The following RANBP2 variants were observed in gnomAD, a reference collection of about 807,000 sequenced individuals.
RANBP2 encodes the protein E3 SUMO-protein ligase RanBP2.
Under a neutral mutation model 303.6 loss-of-function variants are expected in RANBP2, and 57 were observed. The observed-to-expected ratio is 0.19, with a 90% confidence interval of 0.15 to 0.23. RANBP2 has a LOEUF of 0.23. Ranked by LOEUF, RANBP2 falls within the 10% of genes least tolerant of loss-of-function variation. The pLI is 1.00. For missense variants in RANBP2, 3,138 were observed against 3,780.8 expected, an observed-to-expected ratio of 0.83 and a Z score of 4.46; for synonymous variants, 1,167 against 1,301.5, an observed-to-expected ratio of 0.90 and a Z score of 2.23.
chr2:109,368,333 C>T, the RANBP2 span, among the ~76,000 whole-genome samples: 1 of 152,052 alleles, frequency 6.6e-6, no homozygotes, highest in African/African-American at 2.4e-5. Context: ...AAATACATTC[C>T]CCAGTTCAAG....
chr2:109,632,881 C>G, the RANBP2 span, among the ~76,000 whole-genome samples: 1 of 152,072 alleles, frequency 6.6e-6, no homozygotes, highest in Non-Finnish European at 1.5e-5. Flanking sequence ...GAAACACACA[C>G]TAATCATTTT....
chr2:109,462,765 A>C, the RANBP2 span, among the ~76,000 whole-genome samples: 1 of 152,102 alleles, frequency 6.6e-6, no homozygotes, highest in African/African-American at 2.4e-5. Flanking sequence ...ACTGGAGAAA[A>C]CCCACAGGAT....
Position 108,775,866 on chromosome 2 carries a change from C to G in RANBP2, c.8427C>G (p.Ser2809=). The change falls in exon 24 of 29, where the codon TCC becomes TCG. Residue 2809 remains serine (S), a synonymous_variant. Coordinates refer to ENST00000283195, the MANE Select transcript of RANBP2 (RefSeq NM_006267.5). ...ITKSISSPSV[S]SETMDKPVDL... Reference sequence around the variant, plus strand: ...AATCCATTAGTTCACCATCTGTTTCCTCTGAAACTATGGACAAACCTGTAG... The same window carrying G: ...AATCCATTAGTTCACCATCTGTTTCGTCTGAAACTATGGACAAACCTGTAG... 3.1e-6 allele frequency: 5 copies of G among 1,613,436 alleles called. No homozygotes were observed. Among genetic ancestry groups the G allele is most frequent in the Non-Finnish European group, 4.2e-6 (5 of 1,179,910 alleles).
At chr2:108,743,906 T>G (rs996560970) in intron 7 of RANBP2, among the ~76,000 whole-genome samples, 5 of 152,222 alleles carry the variant, frequency 3.3e-5, no homozygotes, top group African/African-American at 1.2e-4. Context: ...TTGTATTTTA[T>G]TTTATCAGTT....
chr2:109,436,968 A>T, the RANBP2 span: 1 of 1,613,874 alleles, frequency 6.2e-7, no homozygotes, highest in Non-Finnish European at 8.5e-7. Flanking sequence ...GGATAACCAC[A>T]ACCATGCACC....
At chr2:109,347,936 T>C in the RANBP2 span, 1 of 1,604,652 alleles carries the variant, frequency 6.2e-7, no homozygotes. Context: ...AAGGACTGTC[T>C]GACCTTCACC....
chr2:109,705,783 G>A, the RANBP2 span, among the ~76,000 whole-genome samples: 2 of 152,168 alleles, frequency 1.3e-5, no homozygotes, highest in Admixed American at 6.5e-5. Context: ...AGGAGCTCTT[G>A]GACTCTTACA....
the RANBP2 span, among the ~76,000 whole-genome samples, chr2:109,658,834 A>G: frequency 1.3e-5 from 2 of 152,176 alleles, no homozygotes; most frequent in Non-Finnish European, 2.9e-5. Context: ...TGGGAGGCCA[A>G]GATGGGTGGA....
At chr2:109,734,048 G>A in the RANBP2 span, among the ~76,000 whole-genome samples, 4 of 151,484 alleles carry the variant, frequency 2.6e-5, no homozygotes, top group African/African-American at 4.9e-5. Flanking sequence ...GCATGATGTC[G>A]GGTGCCTGTA....
rs773341637 is a variant in RANBP2 at position 108,751,872 on chromosome 2, C to A, written c.1633C>A (p.Pro545Thr). Residue 545 changes from proline to threonine, a missense_variant and splice_region_variant, in exon 12 of 29, where the codon CCT becomes ACT. By Grantham distance (38) the Pro-to-Thr change is conservative. Transcript: ENST00000283195. ...TTAGTAAATTGAACTATTTTTTAGACCTGGAAACGTAGCAAAATTGAGACT... is the reference window on the plus strand; with the variant it reads ...TTAGTAAATTGAACTATTTTTTAGAACTGGAAACGTAGCAAAATTGAGACT... ...VCTLIHRKAV[P>T]GNVAKLRLLV... 39 of 1,611,874 alleles carry A rather than the reference C, an allele frequency of 2.4e-5. No homozygotes were observed. Among genetic ancestry groups the A allele is most frequent in the Non-Finnish European group, 3.2e-5 (38 of 1,179,844 alleles).
At chr2:108,981,655 C>A in the RANBP2 span, among the ~76,000 whole-genome samples, 4 of 152,164 alleles carry the variant, frequency 2.6e-5, no homozygotes, top group African/African-American at 9.7e-5. Flanking sequence ...TATCCCCACA[C>A]CCGAGATAGT....
chr2:109,146,442 C>T, the RANBP2 span, among the ~76,000 whole-genome samples: 4 of 152,146 alleles, frequency 2.6e-5, no homozygotes, highest in Admixed American at 6.5e-5. Context: ...GCATCAATTC[C>T]GTGCCAAGAG....
At chr2:109,547,880 T>C in the RANBP2 span, among the ~76,000 whole-genome samples, 2 of 152,190 alleles carry the variant, frequency 1.3e-5, no homozygotes, top group South Asian at 2.1e-4. Context: ...CCACCCTGGG[T>C]AGTTCTTTCT....
At chr2:108,783,539 G>T in intron 28 of RANBP2, 57 bp from the exon 29 acceptor site, 1 of 1,309,656 alleles carries the variant, frequency 7.6e-7, no homozygotes, top group Non-Finnish European at 1.1e-6. Context: ...ATTTTACTCA[G>T]GATTCCTATT....
At chr2:109,324,609 A>G in the RANBP2 span, among the ~76,000 whole-genome samples, 1 of 152,354 alleles carries the variant, frequency 6.6e-6, no homozygotes, top group South Asian at 2.1e-4. Flanking sequence ...GCAAAGTGCT[A>G]ATAAGCCCTT....
the RANBP2 span, among the ~76,000 whole-genome samples, chr2:109,482,569 C>T: frequency 6.6e-6 from 1 of 152,188 alleles, no homozygotes; most frequent in South Asian, 2.1e-4. Context: ...ACTCCCGCGC[C>T]CAGCCCGGGG....
At chr2:109,572,675 G>A in the RANBP2 span, among the ~76,000 whole-genome samples, 1 of 145,806 alleles carries the variant, frequency 6.9e-6, no homozygotes, top group Non-Finnish European at 1.5e-5. Context: ...GGAGTGCAGT[G>A]GTGCAATCTC....
the RANBP2 span, chr2:109,615,834 G>A: frequency 6.2e-7 from 1 of 1,614,174 alleles, no homozygotes; most frequent in African/African-American, 1.3e-5. Flanking sequence ...TGAGGGGTGG[G>A]TCGGAGGCAA....
the RANBP2 span, among the ~76,000 whole-genome samples, chr2:108,866,775 C>T: frequency 2.0e-5 from 3 of 151,582 alleles, no homozygotes; most frequent in South Asian, 2.1e-4. Context: ...CCCAGTTACT[C>T]GGGAGACTGA....
Sources: allele counts gnomAD v4.1 joint callset (sites outside exome capture counted in the v4.1 genomes callset), GRCh38; gene constraint gnomAD v4.1.1; transcripts MANE v1.5; gene names NCBI Gene and HGNC (gene_info 2026-07-23, HGNC 2026-07-21).